MATN2: variants seen among roughly 807,000 people sequenced by gnomAD.
MATN2 encodes the protein matrilin-2.
MATN2 carries 69 observed loss-of-function variants against 103.2 expected under a neutral mutation model. The ratio of observed to expected loss-of-function variants is 0.67; its 90% confidence interval spans 0.55 to 0.82. The LOEUF (loss-of-function observed/expected upper bound fraction) is 0.82, where lower values mean the gene tolerates loss of function less well. Among genes scored for constraint, MATN2 ranks in the 40% least tolerant of loss-of-function variants. MATN2 has a pLI of 0.00. For missense variants in MATN2, 1,023 were observed against 1,211.5 expected (o/e 0.84, Z 2.31); for synonymous variants, 429 against 450.2 (o/e 0.95, Z 0.60).
At position 98,032,356 on chromosome 8, in the gene MATN2, G is replaced by A. The variant is rs1233092892; in HGVS notation, c.2581+39G>A. Reference sequence around the variant, plus strand: ...GGCAGTGTTTTTAGAAATTTTGGTGGAGGGAACCATGGTTTCCCTCCAGAT... The same window carrying A: ...GGCAGTGTTTTTAGAAATTTTGGTGAAGGGAACCATGGTTTCCCTCCAGAT... On this transcript the variant is annotated intron_variant, in intron 16 of 18. Transcript: ENST00000254898. 3.3e-6 allele frequency: 5 copies of A among 1,506,920 alleles called. No individual in the cohort carries two copies. The African/African-American group carries it at 5.5e-5, about 17-fold the overall frequency. 93.3% of individuals were successfully genotyped at this position (1,506,920 alleles called of 1,614,324 possible). A position where few individuals can be genotyped will look rare whatever the true frequency, so the allele number is the denominator to read the frequency against.
intron 6 of MATN2, among the ~76,000 whole-genome samples, chr8:97,985,363 T>C (rs950162758): frequency 6.6e-6 from 1 of 152,192 alleles, no homozygotes; most frequent in Non-Finnish European, 1.5e-5. Context: ...AACCTCCCAT[T>C]AAGCCCCGCC....
At chr8:98,004,351 A>G (rs1301180854) in intron 8 of MATN2, 2 of 156,894 alleles carry the variant, frequency 1.3e-5, no homozygotes, top group East Asian at 3.7e-4. Flanking sequence ...TAAGCACTCA[A>G]TAAATGTTAA....
intron 10 of MATN2, among the ~76,000 whole-genome samples, chr8:98,013,991 C>T (rs537737783): frequency 4.6e-5 from 7 of 152,146 alleles, no homozygotes; most frequent in Non-Finnish European, 1.0e-4. Context: ...CACCTGTAGT[C>T]CCAGCTACTC....
chr8:97,988,487 A>G (rs887966079), intron 6 of MATN2, among the ~76,000 whole-genome samples: 3 of 151,744 alleles, frequency 2.0e-5, no homozygotes, highest in African/African-American at 7.3e-5. Flanking sequence ...TTAACTGGGC[A>G]TGGTGGCAAG....
intron 4 of MATN2, among the ~76,000 whole-genome samples, chr8:97,957,778 G>C (rs1420514292): frequency 6.6e-6 from 1 of 152,192 alleles, no homozygotes; most frequent in Non-Finnish European, 1.5e-5. Flanking sequence ...CTTTTTATCT[G>C]TTAGGTTCAA....
At chr8:97,940,498 A>G (rs893914512) in intron 3 of MATN2, among the ~76,000 whole-genome samples, 1 of 152,174 alleles carries the variant, frequency 6.6e-6, no homozygotes, top group African/African-American at 2.4e-5. Context: ...GAAATGAAAC[A>G]GCTTTACTTC....
chr8:97,938,757 C>T (rs1205773366), intron 3 of MATN2, among the ~76,000 whole-genome samples: 1 of 152,270 alleles, frequency 6.6e-6, no homozygotes, highest in Non-Finnish European at 1.5e-5. Context: ...AACCATTGCT[C>T]CATATATTCC....
chr8:97,957,043 C>G (rs1049218918), intron 4 of MATN2, among the ~76,000 whole-genome samples: 1 of 152,226 alleles, frequency 6.6e-6, no homozygotes, highest in African/African-American at 2.4e-5. Context: ...GTGATCAAGT[C>G]CTTCCAATAC....
At chr8:98,015,643 C>A (rs1348498230) in intron 10 of MATN2, among the ~76,000 whole-genome samples, 1 of 152,220 alleles carries the variant, frequency 6.6e-6, no homozygotes, top group Non-Finnish European at 1.5e-5. Flanking sequence ...ATATAACAAG[C>A]CCTCCCTACT....
intron 4 of MATN2, among the ~76,000 whole-genome samples, chr8:97,949,171 A>ATGTT (rs1554606122): frequency 7.1e-6 from 1 of 140,486 alleles, no homozygotes; most frequent in African/African-American, 2.6e-5. Context: ...ACTAGAATGG[A>ATGTT]TTTTTTTTTT....
chr8:97,879,019 T>A (rs557865500), intron 1 of MATN2, among the ~76,000 whole-genome samples: 2 of 152,310 alleles, frequency 1.3e-5, no homozygotes, highest in Non-Finnish European at 2.9e-5. Context: ...GAAAGATCAA[T>A]AAATATGTTT....
chr8:97,875,690 GTTT>G (rs763539274), intron 1 of MATN2, among the ~76,000 whole-genome samples: 2 of 82,034 alleles, frequency 2.4e-5, no homozygotes, highest in African/African-American at 5.4e-5. Flanking sequence ...GTATTTGCCT[GTTT>G]TTTTTTTTTT....
At chr8:97,872,354 C>A (rs763397912) in intron 1 of MATN2, among the ~76,000 whole-genome samples, 7 of 152,258 alleles carry the variant, frequency 4.6e-5, no homozygotes, top group Admixed American at 3.3e-4. Flanking sequence ...GTCAGAGGAA[C>A]CTTTATCTAC....
chr8:97,992,863 T>A (rs189328322), intron 6 of MATN2, among the ~76,000 whole-genome samples: 1 of 149,590 alleles, frequency 6.7e-6, no homozygotes, highest in Non-Finnish European at 1.5e-5. Context: ...GAGGTTGCAG[T>A]GAGCCTAGAT....
intron 5 of MATN2, among the ~76,000 whole-genome samples, chr8:97,968,043 C>T (rs1393234833): frequency 1.3e-5 from 2 of 152,232 alleles, no homozygotes; most frequent in African/African-American, 2.4e-5. Flanking sequence ...AACACCACAT[C>T]GTAGCCACTA....
At chr8:97,919,975 G>A (rs1031716514) in intron 2 of MATN2, among the ~76,000 whole-genome samples, 1 of 152,198 alleles carries the variant, frequency 6.6e-6, no homozygotes, top group African/African-American at 2.4e-5. Flanking sequence ...AGGGAGCAGA[G>A]GGCATGCCTA....
intron 2 of MATN2, among the ~76,000 whole-genome samples, chr8:97,897,863 A>G (rs1420180092): frequency 6.6e-6 from 1 of 152,226 alleles, no homozygotes; most frequent in Non-Finnish European, 1.5e-5. Flanking sequence ...ACGCTGGAAG[A>G]ATCCAAAAAG....
chr8:97,890,677 G>A (rs942246912), intron 2 of MATN2, among the ~76,000 whole-genome samples: 1 of 152,002 alleles, frequency 6.6e-6, no homozygotes, highest in African/African-American at 2.4e-5. Flanking sequence ...TGTATTTTAT[G>A]CATGTTTGCT....
chr8:97,914,564 A>AG (rs1393546634), intron 2 of MATN2, among the ~76,000 whole-genome samples: 1 of 150,004 alleles, frequency 6.7e-6, no homozygotes, highest in Non-Finnish European at 1.5e-5. Flanking sequence ...TATTGTAGAG[A>AG]GGGGGTCTCA....
Sources: allele counts gnomAD v4.1 joint callset (sites outside exome capture counted in the v4.1 genomes callset), GRCh38; gene constraint gnomAD v4.1.1; transcripts MANE v1.5; gene names NCBI Gene and HGNC (gene_info 2026-07-23, HGNC 2026-07-21).